ARID3C: variants seen among roughly 807,000 people sequenced by gnomAD.
The protein encoded by ARID3C is AT-rich interaction domain 3C, also known as AT-rich interactive domain-containing protein 3C.
A neutral mutation model predicts 37.9 loss-of-function variants in ARID3C; 42 were observed. The observed-to-expected ratio is 1.11, with a 90% confidence interval of 0.87 to 1.43. The LOEUF (loss-of-function observed/expected upper bound fraction) is 1.43. Among genes scored for constraint, ARID3C ranks in the 40% most tolerant of loss-of-function variants. The pLI is 0.00. For synonymous variants in ARID3C, 213 were observed against 228.0 expected, an observed-to-expected ratio of 0.93 and a Z score of 0.59; for missense variants, 581 against 548.8, an observed-to-expected ratio of 1.06 and a Z score of -0.59.
At chr9:34,622,687 C>T (rs12337956) in intron 4 of ARID3C, among the ~76,000 whole-genome samples, 158 bp from the exon 6 acceptor site, 3,556 of 152,280 alleles carry the variant, frequency 0.023, 129 homozygotes, top group African/African-American at 0.081. Context: ...AGCCTGGAAG[C>T]GCTGAAGCTT....
In ARID3C at chr9:34,621,469, TGCTGGAAGGGG is replaced by T. The variant is rs1820557421; in HGVS notation, c.1217_1227del (p.Pro406HisfsTer9). 6.5e-7 allele frequency: 1 copy of T among 1,527,232 alleles called. No individual in the cohort carries two copies. Among genetic ancestry groups the T allele is most frequent in the Non-Finnish European group, 8.7e-7 (1 of 1,148,970 alleles). The allele number at this position is 1,527,232 out of a possible 1,614,324, so 94.6% of individuals were successfully genotyped here. A position where few individuals can be genotyped will look rare whatever the true frequency, so the allele number is the denominator to read the frequency against. On this transcript the variant is annotated frameshift_variant, in exon 7 of 7. Coordinates refer to ENST00000378909, the Ensembl canonical transcript of ARID3C. LOFTEE classifies it high-confidence loss of function. ...TCAAGTAGGACCTCTCAGGGCAAGA[TGCTGGAAGGGG>T]GCCCTGTGGAGGGTGGGGGTGCAGG... is the stretch of plus-strand genomic sequence containing the variant.
At chr9:34,621,079 T>C (rs1587212022), downstream of ARID3C, among the ~76,000 whole-genome samples, 1 of 152,190 alleles carries the variant, frequency 6.6e-6, no homozygotes, top group Admixed American at 6.5e-5. Flanking sequence ...ATTGTCTAGA[T>C]GTGACCTGAG....
exon 7 of ARID3C, chr9:34,621,389 G>T: frequency 8.8e-7 from 1 of 1,142,146 alleles, no homozygotes. Flanking sequence ...CAGCCAGAAA[G>T]AATCAAAGCA....
At chr9:34,625,018 G>A (rs1820635148) in intron 2 of ARID3C, among the ~76,000 whole-genome samples, 1 of 152,026 alleles carries the variant, frequency 6.6e-6, no homozygotes, top group Admixed American at 6.5e-5. Context: ...AGGTGCTGGG[G>A]TGAGGGCCGG....
chr9:34,622,401 G>T, exon 5 of ARID3C: 1 of 1,613,946 alleles, frequency 6.2e-7, no homozygotes, highest in Non-Finnish European at 8.5e-7. Context: ...CAAGGTCGAG[G>T]TGGGTCCATA....
At chr9:34,623,302 C>T (rs1820602294) in intron 4 of ARID3C, 123 bp downstream of exon 5, 5 of 1,218,390 alleles carry the variant, frequency 4.1e-6, no homozygotes, top group Middle Eastern at 2.0e-4. Context: ...GCCCGTCAGA[C>T]CTTACTGCTC....
chr9:34,626,332 C>T (rs948565874), intron 1 of ARID3C, among the ~76,000 whole-genome samples: 1 of 152,120 alleles, frequency 6.6e-6, no homozygotes, highest in African/African-American at 2.4e-5. Flanking sequence ...CTCAGAAGCT[C>T]CTGGGTTGAC....
exon 4 of ARID3C, chr9:34,623,626 G>T: frequency 6.2e-7 from 1 of 1,605,004 alleles, no homozygotes. Flanking sequence ...CGGCCCTCGC[G>T]CCGATTGCTG....
chr9:34,630,198 C>A (rs1297606978), upstream of ARID3C, among the ~76,000 whole-genome samples: 1 of 152,198 alleles, frequency 6.6e-6, no homozygotes, highest in African/African-American at 2.4e-5. Flanking sequence ...TGCCTGACTG[C>A]CACATCTGTA....
upstream of ARID3C, among the ~76,000 whole-genome samples, chr9:34,629,255 C>G (rs1431993886): frequency 6.6e-6 from 1 of 152,220 alleles, no homozygotes; most frequent in Non-Finnish European, 1.5e-5. Context: ...GGCTCTACCG[C>G]CACCGGACTC....
At chr9:34,629,692 C>T (rs1465399865), upstream of ARID3C, among the ~76,000 whole-genome samples, 4 of 152,238 alleles carry the variant, frequency 2.6e-5, no homozygotes. Flanking sequence ...CACAGCCACA[C>T]ACAGTTTTTG....
rs575224588 is a variant in ARID3C at position 34,624,140 on chromosome 9, G to T, written c.392-93C>A. 19 of 1,431,010 alleles carry T rather than the reference G, an allele frequency of 1.3e-5. No individual in the cohort carries two copies. In the South Asian group the frequency reaches 2.3e-4, roughly 18 times the overall value. 88.6% of individuals were successfully genotyped at this position (1,431,010 alleles called of 1,614,324 possible). ...GATACAGGACGGGAGCCCCGGGGAG[G>T]GCGGGAAAGAGGGAGACTTGGGCGG... On this transcript the variant is annotated intron_variant, in intron 2 of 6. Coordinates refer to ENST00000378909, the Ensembl canonical transcript of ARID3C.
At chr9:34,627,741 C>T in exon 1 of ARID3C, 3 of 1,614,032 alleles carry the variant, frequency 1.9e-6, no homozygotes, top group Non-Finnish European at 2.5e-6. Flanking sequence ...GGATGGAGTC[C>T]AGGGGGCTGG....
chr9:34,625,915 A>G (rs1441476792), intron 1 of ARID3C, 101 bp from the exon 3 acceptor site: 1 of 1,311,128 alleles, frequency 7.6e-7, no homozygotes, highest in South Asian at 1.3e-5. Flanking sequence ...TAGCTGAAGG[A>G]GTCAGTAGGA....
At chr9:34,623,937 C>G in exon 3 of ARID3C, 1 of 1,606,312 alleles carries the variant, frequency 6.2e-7, no homozygotes, top group Non-Finnish European at 8.5e-7. Context: ...TCCCGCCACA[C>G]TTTGCGGTTG....
In ARID3C at chr9:34,623,435, A is replaced by G. The variant is rs1377214911; in HGVS notation, c.855T>C (p.Pro285=). The G allele has an allele frequency of 2.7e-5, 41 of 1,500,564 alleles. No individual in the cohort carries two copies. The East Asian group carries it at 4.5e-4, about 17-fold the overall frequency. The allele number at this position is 1,500,564 out of a possible 1,614,324, so 93.0% of individuals were successfully genotyped here. A position where few individuals can be genotyped will look rare whatever the true frequency, so the allele number is the denominator to read the frequency against. ...ATTCTCCCCTCGCACCTTTCTTAAT[A>G]GGGCTTGGACTCAGCTGAGCGCATG... The change falls in exon 4 of 7, where the codon CCT becomes CCC. Residue 285 remains proline (P), a synonymous_variant. Coordinates refer to ENST00000378909, the Ensembl canonical transcript of ARID3C.
At chr9:34,623,620 C>T in exon 4 of ARID3C, 1 of 1,606,392 alleles carries the variant, frequency 6.2e-7, no homozygotes. Flanking sequence ...TGGCGACGGC[C>T]CTCGCGCCGA....
chr9:34,624,171 A>AAGT, intron 2 of ARID3C, 124 bp from the exon 4 acceptor site: 1 of 1,198,856 alleles, frequency 8.3e-7, no homozygotes. Context: ...GGCGGAGCCC[A>AAGT]CAGAACCCCA....
At chr9:34,625,670 A>T in intron 2 of ARID3C, 72 bp downstream of exon 3, 1 of 1,564,546 alleles carries the variant, frequency 6.4e-7, no homozygotes, top group Non-Finnish European at 8.8e-7. Context: ...CAGCAGGGAG[A>T]ACCCAACCGG....
Sources: allele counts gnomAD v4.1 joint callset (sites outside exome capture counted in the v4.1 genomes callset), GRCh38; gene constraint gnomAD v4.1.1; transcripts MANE v1.5; gene names NCBI Gene and HGNC (gene_info 2026-07-23, HGNC 2026-07-21).